The following STAG1 variants were observed in gnomAD, a reference collection of about 807,000 sequenced individuals.
STAG1 encodes cohesin subunit SA-1.
STAG1 carries 26 observed loss-of-function variants against 170.9 expected under a neutral mutation model. The ratio of observed to expected loss-of-function variants is 0.15; its 90% CI spans 0.11 to 0.21. The LOEUF (loss-of-function observed/expected upper bound fraction) is 0.21, where lower values mean the gene tolerates loss of function less well. Ranked by LOEUF, STAG1 falls within the 10% of genes least tolerant of loss-of-function variation. STAG1 has a pLI of 1.00. For missense variants in STAG1, 964 were observed against 1,509.5 expected, an observed-to-expected ratio of 0.64 and a Z score of 5.99; for synonymous variants, 514 against 497.7, an observed-to-expected ratio of 1.03 and a Z score of -0.44.
At chr3:136,468,534 A>C (rs192067054) in intron 12 of STAG1, among the ~76,000 whole-genome samples, 2 of 152,168 alleles carry the variant, frequency 1.3e-5, no homozygotes, top group African/African-American at 4.8e-5. Context: ...CAACCAAAAA[A>C]AGTCCAGGAC....
At chr3:136,468,532 A>G (rs1171329690) in intron 12 of STAG1, among the ~76,000 whole-genome samples, 2 of 152,210 alleles carry the variant, frequency 1.3e-5, no homozygotes, top group Admixed American at 1.3e-4. Context: ...ACCAACCAAA[A>G]AAAGTCCAGG....
chr3:136,489,228 A>G (rs2090075393), intron 9 of STAG1, among the ~76,000 whole-genome samples: 1 of 152,254 alleles, frequency 6.6e-6, no homozygotes, highest in Non-Finnish European at 1.5e-5. Context: ...TTATCTAATT[A>G]TTGATCATTA....
chr3:136,652,112 A>G (rs188877469), intron 1 of STAG1, among the ~76,000 whole-genome samples: 80 of 152,362 alleles, frequency 5.3e-4, no homozygotes, highest in African/African-American at 1.9e-3. Flanking sequence ...ACAAAGGAAA[A>G]AAGTAAATGT....
chr3:136,619,648 T>C (rs949260092), intron 3 of STAG1, among the ~76,000 whole-genome samples: 15 of 150,206 alleles, frequency 1.0e-4, no homozygotes, highest in African/African-American at 3.4e-4. Flanking sequence ...TCCCAGCTAC[T>C]TGGAAGGCTG....
intron 1 of STAG1, among the ~76,000 whole-genome samples, chr3:136,728,152 C>A (rs547363059): frequency 3.3e-5 from 5 of 151,426 alleles, no homozygotes; most frequent in African/African-American, 1.2e-4. Context: ...GTGCGAAAGC[C>A]CATTTCAAAA....
At chr3:136,498,231 T>TACACACACAC (rs1389555862) in intron 9 of STAG1, among the ~76,000 whole-genome samples, 1 of 57,854 alleles carries the variant, frequency 1.7e-5, no homozygotes, top group African/African-American at 9.4e-5. Flanking sequence ...TATATATATA[T>TACACACACAC]ATACACATAC....
intron 1 of STAG1, among the ~76,000 whole-genome samples, chr3:136,678,276 G>A (rs1204080577): frequency 6.6e-6 from 1 of 150,942 alleles, no homozygotes; most frequent in African/African-American, 2.4e-5. Flanking sequence ...AAATAACAGT[G>A]CATATTAGAC....
rs77893424 is a variant in STAG1 at position 136,606,536 on chromosome 3, C to T, written c.133-2063G>A. Among the ~76,000 whole-genome samples the T allele has an allele frequency of 3.4e-3, 524 of 152,204 alleles. 4 individuals carry two copies. Among genetic ancestry groups the T allele is most frequent in the Non-Finnish European group, 6.3e-3 (427 of 68,022 alleles). ...ATGACCTTTTGGTCTAGGAGTCCAT[C>T]CAGGATACAATATTACATTCAATCA... On this transcript the variant is annotated intron_variant, in intron 3 of 33. Coordinates refer to ENST00000383202, the MANE Select transcript of STAG1 (RefSeq NM_005862.3).
chr3:136,719,995 G>C (rs866085053), intron 1 of STAG1, among the ~76,000 whole-genome samples: 1 of 151,868 alleles, frequency 6.6e-6, no homozygotes, highest in Non-Finnish European at 1.5e-5. Flanking sequence ...TGACCATTAC[G>C]GAGAAATCCC....
chr3:136,527,155 G>T (rs1378842716), intron 6 of STAG1, among the ~76,000 whole-genome samples: 1 of 152,152 alleles, frequency 6.6e-6, no homozygotes, highest in Non-Finnish European at 1.5e-5. Flanking sequence ...GCTAGGTTGG[G>T]GAAGTTCTCC....
intron 6 of STAG1, among the ~76,000 whole-genome samples, chr3:136,541,577 CACACA>C (rs1935908732): frequency 6.6e-6 from 1 of 151,306 alleles, no homozygotes; most frequent in Admixed American, 6.6e-5. Flanking sequence ...CACACACACA[CACACA>C]CACCAGGGGT....
chr3:136,693,815 C>G (rs367782764), intron 1 of STAG1, among the ~76,000 whole-genome samples: 1 of 151,986 alleles, frequency 6.6e-6, no homozygotes, highest in East Asian at 1.9e-4. Flanking sequence ...GCCATTGATC[C>G]TCCCACCTCA....
chr3:136,445,824 A>T (rs9854197), intron 14 of STAG1, among the ~76,000 whole-genome samples: 1,971 of 152,108 alleles, frequency 0.013, 26 homozygotes, highest in Middle Eastern at 0.031. Flanking sequence ...TCTTTGTGTA[A>T]TCATTTATTA....
At chr3:136,453,944 G>A (rs1277287739) in intron 13 of STAG1, among the ~76,000 whole-genome samples, 3 of 151,738 alleles carry the variant, frequency 2.0e-5, no homozygotes, top group Non-Finnish European at 1.5e-5. Flanking sequence ...AGGTGAGGAG[G>A]AAGGCATATT....
At chr3:136,723,649 G>C (rs1229792140) in intron 1 of STAG1, among the ~76,000 whole-genome samples, 1 of 147,372 alleles carries the variant, frequency 6.8e-6, no homozygotes, top group Non-Finnish European at 1.5e-5. Context: ...CCGTCCGGGA[G>C]GGAGGTGGGG....
chr3:136,736,141 T>C (rs1325997858), intron 1 of STAG1, among the ~76,000 whole-genome samples: 2 of 152,204 alleles, frequency 1.3e-5, no homozygotes, highest in Non-Finnish European at 2.9e-5. Context: ...TTAAAAAATA[T>C]GTTTAACTGT....
chr3:136,478,197 G>A (rs548608017), intron 9 of STAG1, among the ~76,000 whole-genome samples: 7 of 152,294 alleles, frequency 4.6e-5, no homozygotes, highest in Non-Finnish European at 1.0e-4. Context: ...TTTTTAGGCT[G>A]AGACGGAAGA....
intron 1 of STAG1, among the ~76,000 whole-genome samples, chr3:136,715,494 C>A (rs1005113935): frequency 6.6e-6 from 1 of 152,000 alleles, no homozygotes; most frequent in Non-Finnish European, 1.5e-5. Flanking sequence ...GTGGTACACA[C>A]CTGTAGTGCC....
intron 28 of STAG1, among the ~76,000 whole-genome samples, chr3:136,355,351 TAAAAA>T (rs370605205): frequency 3.3e-5 from 1 of 29,968 alleles, no homozygotes; most frequent in Non-Finnish European, 5.6e-5. Flanking sequence ...GACTCCATCT[TAAAAA>T]AAAAAAAAAA....
Sources: allele counts gnomAD v4.1 joint callset (sites outside exome capture counted in the v4.1 genomes callset), GRCh38; gene constraint gnomAD v4.1.1; transcripts MANE v1.5; gene names NCBI Gene and HGNC (gene_info 2026-07-23, HGNC 2026-07-21).